SLC9A7: variants seen among roughly 807,000 people sequenced by gnomAD.
SLC9A7 encodes the protein solute carrier family 9 member A7.
In SLC9A7, 19 loss-of-function variants were observed where a neutral mutation model predicts 52.6. The observed-to-expected ratio is 0.36, with a 90% CI of 0.25 to 0.53. The LOEUF (loss-of-function observed/expected upper bound fraction) is 0.53. Ranked by LOEUF, SLC9A7 falls within the 20% of genes least tolerant of loss-of-function variation. The pLI is 0.91. For synonymous variants in SLC9A7, 226 were observed against 252.1 expected (o/e 0.90, Z 0.98); for missense variants, 455 against 597.9 (o/e 0.76, Z 2.49).
intron 1 of SLC9A7, among the ~76,000 whole-genome samples, chrX:46,742,745 T>C (rs773489410): frequency 9.5e-4 from 107 of 112,106 alleles, no homozygotes; most frequent in Non-Finnish European, 1.7e-3. Flanking sequence ...TGTGATAATG[T>C]TAAAAATTAA....
intron 1 of SLC9A7, among the ~76,000 whole-genome samples, chrX:46,743,509 C>T (rs1432735788): frequency 8.9e-6 from 1 of 111,968 alleles, no homozygotes; most frequent in Non-Finnish European, 1.9e-5. Flanking sequence ...CATTTAATTG[C>T]AGGTGGAAAA....
chrX:46,629,915 G>C (rs1167087117), intron 14 of SLC9A7, among the ~76,000 whole-genome samples: 3 of 111,762 alleles, frequency 2.7e-5, no homozygotes, highest in African/African-American at 9.8e-5. Flanking sequence ...ATCAAAGCTA[G>C]AGTCAAATAG....
At chrX:46,722,205 G>A (rs779040471) in intron 1 of SLC9A7, among the ~76,000 whole-genome samples, 2 of 111,741 alleles carry the variant, frequency 1.8e-5, no homozygotes, top group Non-Finnish European at 3.8e-5. Context: ...AGCTATGAAT[G>A]TGGGTTTCAA....
At chrX:46,623,352 C>T (rs750368420) in intron 14 of SLC9A7, among the ~76,000 whole-genome samples, 111 of 111,614 alleles carry the variant, frequency 9.9e-4, no homozygotes, top group Middle Eastern at 4.7e-3. Context: ...TCTCTCAACT[C>T]GCCCCTCCTC....
rs1160085753 is a variant in SLC9A7 at position 46,600,786 on chromosome X, A to AT, written c.*6165dup. 1 of 111,604 alleles carries AT rather than the reference A, an allele frequency of 9.0e-6. No individual in the cohort carries two copies. Among genetic ancestry groups the AT allele is most frequent in the African/African-American group, 3.3e-5 (1 of 30,691 alleles). The allele number at this position is 111,604 out of a possible 1,213,427, so 9.2% of individuals were successfully genotyped here. Reference sequence around the variant, plus strand: ...AATGGTTTCTACAGTATTTCTCTATATGTTGTTTTCAGGTTTTAGAAAGGG... The same window carrying AT: ...AATGGTTTCTACAGTATTTCTCTATATTGTTGTTTTCAGGTTTTAGAAAGGG... On this transcript the variant is annotated 3_prime_UTR_variant, in exon 17 of 17. Transcript: ENST00000616978.
At chrX:46,612,920 G>A (rs1165652420) in intron 16 of SLC9A7, among the ~76,000 whole-genome samples, 4 of 53,466 alleles carry the variant, frequency 7.5e-5, no homozygotes, top group South Asian at 2.5e-3. Flanking sequence ...GTGAGACTCC[G>A]TCTCAAAAAA....
intron 13 of SLC9A7, among the ~76,000 whole-genome samples, chrX:46,633,268 T>G: frequency 1.1e-5 from 1 of 92,988 alleles, no homozygotes; most frequent in Non-Finnish European, 2.0e-5. Context: ...GCCTTGCTAC[T>G]GATATAAGTG....
intron 12 of SLC9A7, among the ~76,000 whole-genome samples, chrX:46,641,995 G>T (rs978031888): frequency 3.6e-4 from 41 of 112,495 alleles, no homozygotes; most frequent in African/African-American, 1.3e-3. Flanking sequence ...TATTGGTTCT[G>T]CAGACCCACC....
At chrX:46,640,286 G>A (rs1394500531) in intron 12 of SLC9A7, among the ~76,000 whole-genome samples, 1 of 112,018 alleles carries the variant, frequency 8.9e-6, no homozygotes, top group Non-Finnish European at 1.9e-5. Flanking sequence ...TGACAAAGGA[G>A]CAAAATTAAT....
At chrX:46,728,877 A>G (rs192581568) in intron 1 of SLC9A7, among the ~76,000 whole-genome samples, 1 of 112,631 alleles carries the variant, frequency 8.9e-6, no homozygotes, top group Non-Finnish European at 1.9e-5. Flanking sequence ...TGCTAAGTGA[A>G]AGAAGCTAGA....
At chrX:46,751,454 T>A (rs1261226152) in intron 1 of SLC9A7, among the ~76,000 whole-genome samples, 2 of 111,455 alleles carry the variant, frequency 1.8e-5, no homozygotes, top group African/African-American at 6.5e-5. Context: ...CTCTTGTATG[T>A]TAAACAGAGG....
intron 5 of SLC9A7, among the ~76,000 whole-genome samples, chrX:46,668,965 A>C (rs1033812129): frequency 9.9e-5 from 11 of 110,729 alleles, no homozygotes; most frequent in African/African-American, 3.6e-4. Context: ...CAGGAGATCG[A>C]GACCATCCTG....
chrX:46,662,299 A>C (rs191170198), intron 6 of SLC9A7, 142 bp from the exon 7 acceptor site: 218 of 612,877 alleles, frequency 3.6e-4, no homozygotes, highest in Non-Finnish European at 5.2e-4. Flanking sequence ...ATCTGCAGCC[A>C]GCATTGCCCA....
chrX:46,637,063 AT>A (rs1943332835), intron 12 of SLC9A7, among the ~76,000 whole-genome samples: 1 of 112,370 alleles, frequency 8.9e-6, no homozygotes, highest in African/African-American at 3.2e-5. Context: ...TAATGCTATG[AT>A]TAATACTATT....
intron 1 of SLC9A7, among the ~76,000 whole-genome samples, chrX:46,699,476 A>C (rs913543254): frequency 8.9e-6 from 1 of 111,862 alleles, no homozygotes; most frequent in African/African-American, 3.3e-5. Context: ...TGAACTTTTT[A>C]CTGAGTTCAA....
chrX:46,733,789 CTA>C (rs1945080177), intron 1 of SLC9A7, among the ~76,000 whole-genome samples: 1 of 110,690 alleles, frequency 9.0e-6, no homozygotes, highest in South Asian at 3.8e-4. Context: ...TAAACTAGTA[CTA>C]TCTCTCCCAC....
chrX:46,681,040 A>C (rs1446730931), intron 2 of SLC9A7, among the ~76,000 whole-genome samples: 1 of 112,039 alleles, frequency 8.9e-6, no homozygotes, highest in Non-Finnish European at 1.9e-5. Flanking sequence ...GTTTTCTGAC[A>C]CTCAGTCCAA....
At chrX:46,632,761 T>C (rs184111627) in intron 13 of SLC9A7, among the ~76,000 whole-genome samples, 5 of 111,745 alleles carry the variant, frequency 4.5e-5, no homozygotes, top group African/African-American at 1.3e-4. Context: ...CAGAATAATG[T>C]TTTCTTTAAC....
chrX:46,626,932 T>G (rs1040336208), intron 14 of SLC9A7, among the ~76,000 whole-genome samples: 2 of 111,896 alleles, frequency 1.8e-5, no homozygotes, highest in Non-Finnish European at 3.8e-5. Flanking sequence ...TGGTTCTTTA[T>G]AGAAGTGTGG....
Sources: gnomAD v4.1 joint callset for allele counts (sites outside exome capture counted in the v4.1 genomes callset) on GRCh38, gnomAD v4.1.1 for gene constraint, MANE v1.5 for transcripts, NCBI Gene and HGNC (gene_info 2026-07-23, HGNC 2026-07-21) for gene names.